RAP1GAP2: variants seen among roughly 807,000 people sequenced by gnomAD.
RAP1GAP2 encodes RAP1 GTPase activating protein 2.
Under a neutral mutation model 95.0 loss-of-function variants are expected in RAP1GAP2, and 27 were observed. The observed-to-expected ratio is 0.28, with a 90% CI of 0.21 to 0.39. The LOEUF is 0.39. Ranked by LOEUF, RAP1GAP2 falls within the 10% of genes least tolerant of loss-of-function variation. The pLI is 1.00. For missense variants in RAP1GAP2, 771 were observed against 970.0 expected, an observed-to-expected ratio of 0.79 and a Z score of 2.72; for synonymous variants, 373 against 380.9, an observed-to-expected ratio of 0.98 and a Z score of 0.24.
chr17:2,982,976 C>G (rs2045422920), intron 10 of RAP1GAP2, among the ~76,000 whole-genome samples: 1 of 152,328 alleles, frequency 6.6e-6, no homozygotes, highest in South Asian at 2.1e-4. Flanking sequence ...GGCCTGGTGC[C>G]TCTCCCTGGC....
chr17:2,951,259 C>G (rs554312154), intron 3 of RAP1GAP2, among the ~76,000 whole-genome samples: 233 of 152,358 alleles, frequency 1.5e-3, no homozygotes, highest in Non-Finnish European at 2.8e-3. Context: ...TGTCTTTGCC[C>G]ATTCAGTTCC....
chr17:2,882,428 G>A (rs6502606), intron 2 of RAP1GAP2, among the ~76,000 whole-genome samples: 36,670 of 151,398 alleles, frequency 0.24, 4,571 homozygotes, highest in African/African-American at 0.28. Context: ...AGTAGCTGGG[G>A]TTACAGGCAC....
chr17:3,017,463 GAGTAAGAGACCCT>G (rs1342334725), intron 17 of RAP1GAP2, among the ~76,000 whole-genome samples: 1 of 152,198 alleles, frequency 6.6e-6, no homozygotes, highest in East Asian at 1.9e-4. Context: ...ATGCACAGAT[GAGTAAGAGACCCT>G]CACACACTTG....
chr17:2,970,494 C>T (rs2044820272), intron 8 of RAP1GAP2, among the ~76,000 whole-genome samples: 2 of 152,032 alleles, frequency 1.3e-5, no homozygotes, highest in African/African-American at 4.8e-5. Context: ...TGTGTAAATT[C>T]CAACTTTCAC....
chr17:2,921,136 G>A (rs1207601042), intron 3 of RAP1GAP2, among the ~76,000 whole-genome samples: 2 of 151,884 alleles, frequency 1.3e-5, no homozygotes, highest in African/African-American at 4.8e-5. Context: ...GATTCCTAGG[G>A]TTGCTGTAAC....
chr17:2,928,493 C>T (rs1597635894), intron 3 of RAP1GAP2, among the ~76,000 whole-genome samples: 1 of 152,048 alleles, frequency 6.6e-6, no homozygotes, highest in Non-Finnish European at 1.5e-5. Context: ...GTGGGAGGGA[C>T]GGAGGCACTG....
chr17:3,020,190 C>A (rs1438208704), intron 18 of RAP1GAP2, among the ~76,000 whole-genome samples: 2 of 152,190 alleles, frequency 1.3e-5, no homozygotes, highest in East Asian at 3.9e-4. Context: ...TTGTTCTGAC[C>A]TTCTCAATTT....
chr17:2,997,699 G>C (rs1291147493), intron 13 of RAP1GAP2, among the ~76,000 whole-genome samples: 1 of 152,040 alleles, frequency 6.6e-6, no homozygotes, highest in Non-Finnish European at 1.5e-5. Context: ...TTGGGAGGCT[G>C]AGGCGGGCTG....
chr17:2,810,174 T>C (rs908139245), intron 2 of RAP1GAP2, among the ~76,000 whole-genome samples: 6 of 152,168 alleles, frequency 3.9e-5, no homozygotes, highest in African/African-American at 1.2e-4. Flanking sequence ...GGAGCAAATG[T>C]GGACCTTGCG....
At chr17:2,934,041 G>A (rs1291050614) in intron 3 of RAP1GAP2, among the ~76,000 whole-genome samples, 1 of 152,260 alleles carries the variant, frequency 6.6e-6, no homozygotes, top group East Asian at 1.9e-4. Context: ...AGGGTCACCC[G>A]TCTTTGGTCA....
chr17:2,844,160 A>G (rs2071484405), intron 2 of RAP1GAP2, among the ~76,000 whole-genome samples: 1 of 151,994 alleles, frequency 6.6e-6, no homozygotes, highest in South Asian at 2.1e-4. Context: ...AGCTGGGACT[A>G]CAGGCGCCCG....
At chr17:2,860,594 C>CTTTTTTT (rs561492877) in intron 2 of RAP1GAP2, among the ~76,000 whole-genome samples, 5 of 96,066 alleles carry the variant, frequency 5.2e-5, no homozygotes, top group African/African-American at 8.7e-5. Flanking sequence ...ACTTATTTAT[C>CTTTTTTT]TTTTTTTTTT....
intron 2 of RAP1GAP2, among the ~76,000 whole-genome samples, chr17:2,814,359 T>C (rs1321972852): frequency 6.6e-6 from 1 of 152,176 alleles, no homozygotes; most frequent in Non-Finnish European, 1.5e-5. Context: ...CGCCTGTGGC[T>C]GTGCTGCTCT....
intron 19 of RAP1GAP2, among the ~76,000 whole-genome samples, chr17:3,022,488 G>A (rs746421089): frequency 1.3e-5 from 2 of 152,138 alleles, no homozygotes; most frequent in Non-Finnish European, 2.9e-5. Flanking sequence ...AATTAATGAT[G>A]TTGAATGTTT....
chr17:2,962,446 G>T, intron 4 of RAP1GAP2: 1 of 511,596 alleles, frequency 2.0e-6, no homozygotes, highest in South Asian at 2.7e-5. Flanking sequence ...TTTGAACCCC[G>T]GCGATCTGGC....
intron 24 of RAP1GAP2, among the ~76,000 whole-genome samples, chr17:3,032,855 T>A (rs1276001556): frequency 6.6e-6 from 1 of 152,130 alleles, no homozygotes; most frequent in Non-Finnish European, 1.5e-5. Flanking sequence ...GTGTTCTCCC[T>A]CCCTGTCGGG....
At chr17:2,992,443 A>G (rs1597815876) in intron 12 of RAP1GAP2, among the ~76,000 whole-genome samples, 2 of 152,248 alleles carry the variant, frequency 1.3e-5, no homozygotes, top group East Asian at 3.9e-4. Flanking sequence ...TACAGGCGTG[A>G]GCCACCGTGC....
intron 2 of RAP1GAP2, among the ~76,000 whole-genome samples, chr17:2,896,227 T>C (rs35684299): frequency 0.057 from 8,702 of 152,220 alleles, 356 homozygotes; most frequent in Non-Finnish European, 0.092. Context: ...GCAGGATGGT[T>C]TTCTGCATTT....
At chr17:2,933,498 C>T (rs1271776669) in intron 3 of RAP1GAP2, among the ~76,000 whole-genome samples, 3 of 152,104 alleles carry the variant, frequency 2.0e-5, no homozygotes, top group Admixed American at 6.5e-5. Context: ...TTCCGGGAGG[C>T]CAACACCTCC....
Sources: gnomAD v4.1 joint callset for allele counts (sites outside exome capture counted in the v4.1 genomes callset) on GRCh38, gnomAD v4.1.1 for gene constraint, MANE v1.5 for transcripts, NCBI Gene and HGNC (gene_info 2026-07-23, HGNC 2026-07-21) for gene names.